SH3RF1: variants seen among roughly 807,000 people sequenced by gnomAD.
SH3RF1 encodes the protein E3 ubiquitin-protein ligase SH3RF1.
In SH3RF1, 32 loss-of-function variants were observed where a neutral mutation model predicts 74.0. That is an observed-to-expected ratio of 0.43 (90% CI 0.33 to 0.58). SH3RF1 has a LOEUF of 0.58. Ranked by LOEUF, SH3RF1 falls within the 20% of genes least tolerant of loss-of-function variation. SH3RF1 has a pLI of 0.05. For synonymous variants in SH3RF1, 396 were observed against 439.6 expected (o/e 0.90, Z 1.24); for missense variants, 954 against 1,130.9 (o/e 0.84, Z 2.24).
In SH3RF1 at chr4:169,094,372, G is replaced by C. The variant is rs1421131510; in HGVS notation, c.*2147C>G. The C allele has an allele frequency of 3.3e-5, 5 of 151,870 alleles. No individual in the cohort carries two copies. The highest frequency in any genetic ancestry group is 9.7e-5 in the African/African-American group (4 of 41,330). The allele number at this position is 151,870 out of a possible 1,614,324, so 9.4% of individuals were successfully genotyped here. A position where few individuals can be genotyped will look rare whatever the true frequency, so the allele number is the denominator to read the frequency against. ...TCATTACCATATCACTGTGTAACAAGCCCTTGTTACAAAATCTCCCTCTAC... is the reference window on the plus strand; with the variant it reads ...TCATTACCATATCACTGTGTAACAACCCCTTGTTACAAAATCTCCCTCTAC... On this transcript the variant is annotated 3_prime_UTR_variant, in exon 12 of 12. Transcript: ENST00000284637.
chr4:169,138,931 A>G (rs767410849), intron 4 of SH3RF1, among the ~76,000 whole-genome samples: 2 of 152,118 alleles, frequency 1.3e-5, no homozygotes, highest in Non-Finnish European at 2.9e-5. Flanking sequence ...TCTCCATTAA[A>G]ATAAATACAC....
At chr4:169,210,704 C>A (rs140181893) in intron 2 of SH3RF1, among the ~76,000 whole-genome samples, 27 of 152,272 alleles carry the variant, frequency 1.8e-4, no homozygotes, top group African/African-American at 6.5e-4. Flanking sequence ...TGTAAACTAC[C>A]CTTGTGTCAA....
intron 2 of SH3RF1, among the ~76,000 whole-genome samples, chr4:169,243,825 G>A (rs1730952200): frequency 6.6e-6 from 1 of 152,178 alleles, no homozygotes; most frequent in Non-Finnish European, 1.5e-5. Flanking sequence ...TCCAAAAGAT[G>A]ACTTAGAATG....
chr4:169,130,435 A>G (rs1322552322), intron 5 of SH3RF1, among the ~76,000 whole-genome samples: 1 of 152,152 alleles, frequency 6.6e-6, no homozygotes, highest in Admixed American at 6.5e-5. Flanking sequence ...ACGGTAACAC[A>G]TTGCCTCATT....
At chr4:169,135,893 A>C (rs1461566642) in intron 5 of SH3RF1, among the ~76,000 whole-genome samples, 4 of 152,194 alleles carry the variant, frequency 2.6e-5, no homozygotes, top group Admixed American at 2.0e-4. Context: ...GGAAGCCTAC[A>C]TATTAAGGTA....
chr4:169,249,713 A>G (rs576841579), intron 2 of SH3RF1, among the ~76,000 whole-genome samples: 2 of 152,228 alleles, frequency 1.3e-5, no homozygotes, highest in Non-Finnish European at 2.9e-5. Context: ...CATTTCCAGC[A>G]AGCTGTGACT....
At chr4:169,225,852 A>G (rs1392145448) in intron 2 of SH3RF1, among the ~76,000 whole-genome samples, 1 of 152,154 alleles carries the variant, frequency 6.6e-6, no homozygotes, top group Non-Finnish European at 1.5e-5. Flanking sequence ...GCAGGATGAT[A>G]TGACCCACCA....
intron 2 of SH3RF1, among the ~76,000 whole-genome samples, chr4:169,187,341 C>T (rs1734623114): frequency 6.6e-6 from 1 of 152,068 alleles, no homozygotes. Context: ...CTAAGATGCA[C>T]GTCACCATGC....
Position 169,098,323 on chromosome 4 carries a change from C to T in SH3RF1, c.2499-1636G>A, listed in dbSNP as rs538068891. On this transcript the variant is annotated intron_variant, in intron 11 of 11. Coordinates refer to ENST00000284637, the MANE Select transcript of SH3RF1 (RefSeq NM_020870.4). Reference sequence around the variant, plus strand: ...AATGAGTGTATAGCCTCGTGGGACCCACTCCTGACTGAAAGTGAAAAATAT... The same window carrying T: ...AATGAGTGTATAGCCTCGTGGGACCTACTCCTGACTGAAAGTGAAAAATAT... Among the ~76,000 whole-genome samples, 7 of 152,306 alleles carry T rather than the reference C, an allele frequency of 4.6e-5. No individual in the cohort carries two copies. In the East Asian group the frequency reaches 1.4e-3, roughly 29 times the overall value.
intron 2 of SH3RF1, among the ~76,000 whole-genome samples, chr4:169,185,105 A>T (rs185228018): frequency 6.6e-6 from 1 of 152,354 alleles, no homozygotes; most frequent in African/African-American, 2.4e-5. Flanking sequence ...CTATATATTA[A>T]GATAGTTACC....
chr4:169,201,046 AT>A (rs1734899207), intron 2 of SH3RF1, among the ~76,000 whole-genome samples: 1 of 152,206 alleles, frequency 6.6e-6, no homozygotes, highest in East Asian at 1.9e-4. Flanking sequence ...AGAAATTAAG[AT>A]GGCAAACAAT....
intron 2 of SH3RF1, among the ~76,000 whole-genome samples, chr4:169,261,030 G>T (rs1204670586): frequency 6.6e-6 from 1 of 152,192 alleles, no homozygotes; most frequent in East Asian, 1.9e-4. Flanking sequence ...TGTGTACTCT[G>T]TGCCAGACAC....
chr4:169,241,277 T>C (rs1730906136), intron 2 of SH3RF1, among the ~76,000 whole-genome samples: 1 of 152,154 alleles, frequency 6.6e-6, no homozygotes, highest in Non-Finnish European at 1.5e-5. Context: ...ACTGCCCAAG[T>C]CCATGTGAAA....
chr4:169,209,617 A>T (rs182939390), intron 2 of SH3RF1, among the ~76,000 whole-genome samples: 2 of 152,326 alleles, frequency 1.3e-5, no homozygotes, highest in Admixed American at 1.3e-4. Flanking sequence ...TTAGAAAAGT[A>T]AACAATATAA....
chr4:169,180,485 T>C (rs1579123120), intron 2 of SH3RF1, among the ~76,000 whole-genome samples: 1 of 152,326 alleles, frequency 6.6e-6, no homozygotes, highest in African/African-American at 2.4e-5. Flanking sequence ...CAGCTACATC[T>C]GTGCTGGTCT....
intron 2 of SH3RF1, among the ~76,000 whole-genome samples, chr4:169,209,848 GAC>G (rs1730329075): frequency 6.6e-6 from 1 of 152,052 alleles, no homozygotes; most frequent in South Asian, 2.1e-4. Context: ...GGAGTGCAAT[GAC>G]ACAATCACGG....
At position 169,120,467 on chromosome 4, in the gene SH3RF1, A is replaced by G. The variant is rs148947910; in HGVS notation, c.1517+352T>C. On this transcript the variant is annotated intron_variant, in intron 8 of 11. Transcript: ENST00000284637. ...GCCTGCCTGGCATATAGTACGCATT[A>G]TATAAACACATAAGTATTAATAATA... Among the ~76,000 whole-genome samples, 54 of 152,384 alleles carry G rather than the reference A, an allele frequency of 3.5e-4. No homozygotes were observed. The East Asian group carries it at 9.1e-3, about 26-fold the overall frequency.
intron 6 of SH3RF1, among the ~76,000 whole-genome samples, chr4:169,125,010 T>C (rs1014790932): frequency 6.6e-6 from 1 of 152,154 alleles, no homozygotes; most frequent in East Asian, 1.9e-4. Context: ...AAAACAGCTA[T>C]GGACCTTCTA....
chr4:169,214,497 T>G (rs571191970), intron 2 of SH3RF1, among the ~76,000 whole-genome samples: 3 of 152,348 alleles, frequency 2.0e-5, no homozygotes, highest in African/African-American at 7.2e-5. Flanking sequence ...GGGATTGTGT[T>G]GAATCTATAG....
Sources: allele counts gnomAD v4.1 joint callset (sites outside exome capture counted in the v4.1 genomes callset), GRCh38; gene constraint gnomAD v4.1.1; transcripts MANE v1.5; gene names NCBI Gene and HGNC (gene_info 2026-07-23, HGNC 2026-07-21).